The following EPHA8 variants were observed in gnomAD, a reference collection of about 807,000 sequenced individuals.
EPHA8 encodes the protein ephrin type-A receptor 8.
In EPHA8, 58 loss-of-function variants were observed where a neutral mutation model predicts 103.6. The observed-to-expected ratio is 0.56, with a 90% CI of 0.45 to 0.70. EPHA8 has a LOEUF of 0.70. Ranked by LOEUF, EPHA8 falls within the 30% of genes least tolerant of loss-of-function variation. EPHA8 has a pLI of 0.00. For synonymous variants in EPHA8, 559 were observed against 572.5 expected (o/e 0.98, Z 0.34); for missense variants, 1,304 against 1,395.2 (o/e 0.93, Z 1.04).
intron 3 of EPHA8, among the ~76,000 whole-genome samples, chr1:22,579,123 A>G (rs544837116): frequency 1.1e-4 from 12 of 114,246 alleles, no homozygotes; most frequent in Non-Finnish European, 9.9e-5. Context: ...GTGTACGTGT[A>G]TGTGTGCATG....
chr1:22,592,778 G>A (rs777072613), intron 5 of EPHA8, among the ~76,000 whole-genome samples: 2 of 151,442 alleles, frequency 1.3e-5, no homozygotes, highest in African/African-American at 2.4e-5. Flanking sequence ...CTCCCCACAG[G>A]GCTGACCGCA....
intron 1 of EPHA8, among the ~76,000 whole-genome samples, chr1:22,565,121 G>A (rs1050949114): frequency 3.3e-5 from 5 of 152,176 alleles, no homozygotes; most frequent in South Asian, 2.1e-4. Context: ...GTACATGCAC[G>A]TACAGATGCA....
intron 4 of EPHA8, among the ~76,000 whole-genome samples, chr1:22,588,248 C>T (rs1641271098): frequency 6.6e-6 from 1 of 151,572 alleles, no homozygotes; most frequent in Non-Finnish European, 1.5e-5. Flanking sequence ...GGCTCAAACC[C>T]CCACCCCAGC....
intron 3 of EPHA8, among the ~76,000 whole-genome samples, chr1:22,579,043 G>A (rs1216009119): frequency 6.9e-6 from 1 of 145,416 alleles, no homozygotes; most frequent in South Asian, 2.2e-4. Flanking sequence ...ATGCATGTGT[G>A]TGCATTTGTG....
At chr1:22,583,251 C>T (rs1477698741) in intron 3 of EPHA8, among the ~76,000 whole-genome samples, 11 of 152,268 alleles carry the variant, frequency 7.2e-5, no homozygotes, top group Non-Finnish European at 2.9e-5. Context: ...CATTAATTCC[C>T]GGCCCAGCCT....
At chr1:22,583,800 C>A (rs547709801) in intron 3 of EPHA8, among the ~76,000 whole-genome samples, 1 of 152,184 alleles carries the variant, frequency 6.6e-6, no homozygotes, top group Non-Finnish European at 1.5e-5. Context: ...GTGCTACACC[C>A]GAGCTTCTGC....
Position 22,593,704 on chromosome 1 carries a change from G to T in EPHA8, c.1603+18G>T, listed in dbSNP as rs750591020. The T allele has an allele frequency of 2.6e-6, 4 of 1,562,104 alleles. No homozygotes were observed. The highest frequency in any genetic ancestry group is 1.4e-5 in the African/African-American group (1 of 73,878). On this transcript the variant is annotated intron_variant, in intron 7 of 16. Transcript: ENST00000166244. ...GAAACCCCGTGAGTGCAGGGAGGGG[G>T]CGTGGGCGCGGAGCAGCCCAGGTGC...
intron 1 of EPHA8, among the ~76,000 whole-genome samples, chr1:22,568,313 C>A (rs1011220835): frequency 6.6e-6 from 1 of 152,208 alleles, no homozygotes; most frequent in East Asian, 1.9e-4. Context: ...GTTGAGCCTG[C>A]AGGGTCCCCT....
At chr1:22,581,953 C>G (rs940291667) in intron 3 of EPHA8, among the ~76,000 whole-genome samples, 3 of 152,206 alleles carry the variant, frequency 2.0e-5, no homozygotes, top group African/African-American at 7.2e-5. Flanking sequence ...AAACTAAGGC[C>G]TTTCACAAAT....
In EPHA8 at chr1:22,586,573, C is replaced by G. The variant is rs1641214671; in HGVS notation, c.917C>G (p.Ala306Gly). 1 of 1,613,866 alleles carries G rather than the reference C, an allele frequency of 6.2e-7. No homozygotes were observed. Among genetic ancestry groups the G allele is most frequent in the Non-Finnish European group, 8.5e-7 (1 of 1,180,000 alleles). Reference protein sequence around the residue: ...HSHSAAPAAQACHCDLSYYRA... With the variant: ...HSHSAAPAAQGCHCDLSYYRA... ...CACTCCGCAGCTCCAGCCGCCCAAG[C>G]CTGCCACTGTGACCTCAGCTACTAC... The change falls in exon 4 of 17, where the codon GCC becomes GGC. Residue 306 changes from alanine to glycine, a missense_variant. Physicochemically the swap from Ala to Gly is moderately conservative, Grantham distance 60 (BLOSUM62 0). Transcript: ENST00000166244.
chr1:22,573,385 G>C (rs963292139), intron 2 of EPHA8, among the ~76,000 whole-genome samples: 6 of 152,186 alleles, frequency 3.9e-5, no homozygotes, highest in African/African-American at 1.4e-4. Context: ...AGTGGGGCCT[G>C]TTTGAGTCCC....
At chr1:22,573,278 A>G (rs947159769) in intron 2 of EPHA8, among the ~76,000 whole-genome samples, 17 of 152,190 alleles carry the variant, frequency 1.1e-4, no homozygotes, top group African/African-American at 4.1e-4. Flanking sequence ...CCAGTTCAGT[A>G]TAATATTAGG....
chr1:22,595,253 A>G lies in EPHA8; in HGVS notation c.1627A>G (p.Ile543Val), dbSNP rs1401461753. The part of the protein sequence containing the change: ...KPRPRYDTRT[I>V]VWICLTLITG... ...AGGGCCCCGCTATGACACCAGGACC[A>G]TTGTCTGGATCTGCCTGACGCTCAT... Residue 543 changes from isoleucine to valine, a missense_variant, in exon 8 of 17, where the codon ATT (isoleucine) becomes GTT (valine). Coordinates refer to ENST00000166244, the MANE Select transcript of EPHA8 (RefSeq NM_020526.5). The G allele has an allele frequency of 3.1e-6, 5 of 1,613,294 alleles. No homozygotes were observed. The highest frequency in any genetic ancestry group is 1.1e-5 in the South Asian group (1 of 90,986).
At chr1:22,582,142 G>A (rs1265422825) in intron 3 of EPHA8, among the ~76,000 whole-genome samples, 1 of 152,232 alleles carries the variant, frequency 6.6e-6, no homozygotes, top group Admixed American at 6.5e-5. Context: ...GACTGCCCCT[G>A]CCCAGCCTGA....
intron 7 of EPHA8, 25 bp from the exon 8 acceptor site, chr1:22,595,205 C>G (rs1245330689): frequency 1.3e-6 from 2 of 1,588,098 alleles, no homozygotes; most frequent in Non-Finnish European, 1.7e-6. Flanking sequence ...GAGCCTGGTC[C>G]CCCAACCCTG....
intron 1 of EPHA8, among the ~76,000 whole-genome samples, chr1:22,566,753 C>T (rs1640370260): frequency 6.6e-6 from 1 of 152,160 alleles, no homozygotes; most frequent in East Asian, 1.9e-4. Context: ...CAGGCCCAGG[C>T]TGGGTGGGCC....
chr1:22,588,459 G>T (rs1053436301), intron 4 of EPHA8, among the ~76,000 whole-genome samples: 2 of 152,230 alleles, frequency 1.3e-5, no homozygotes, highest in African/African-American at 4.8e-5. Context: ...GTGGCATTTT[G>T]TATCGGATCC....
chr1:22,584,391 C>T (rs934336409), intron 3 of EPHA8, among the ~76,000 whole-genome samples: 1 of 152,182 alleles, frequency 6.6e-6, no homozygotes, highest in African/African-American at 2.4e-5. Context: ...TGCGTATTTT[C>T]CCCCACTCTG....
chr1:22,564,658 C>G (rs556528732), intron 1 of EPHA8, among the ~76,000 whole-genome samples: 2 of 151,994 alleles, frequency 1.3e-5, no homozygotes, highest in Admixed American at 6.5e-5. Flanking sequence ...AGCCTGCCAC[C>G]CACACACCCG....
Sources: gnomAD v4.1 joint callset for allele counts (sites outside exome capture counted in the v4.1 genomes callset) on GRCh38, gnomAD v4.1.1 for gene constraint, MANE v1.5 for transcripts, NCBI Gene and HGNC (gene_info 2026-07-23, HGNC 2026-07-21) for gene names.